The following GPC6 variants were observed in gnomAD, a reference collection of about 807,000 sequenced individuals.
GPC6 encodes the protein glypican-6.
In GPC6, 14 loss-of-function variants were observed where a neutral mutation model predicts 55.2. That is an observed-to-expected ratio of 0.25 (90% CI 0.17 to 0.40). GPC6 has a LOEUF of 0.40. Among genes scored for constraint, GPC6 ranks in the 10% least tolerant of loss-of-function variants. The pLI, the probability that GPC6 is intolerant of heterozygous loss-of-function variation, is 1.00. For synonymous variants in GPC6, 278 were observed against 259.6 expected, an observed-to-expected ratio of 1.07 and a Z score of -0.68; for missense variants, 641 against 708.5, an observed-to-expected ratio of 0.90 and a Z score of 1.08.
At chr13:94,348,031 G>T (rs1566704366) in intron 6 of GPC6, among the ~76,000 whole-genome samples, 1 of 152,188 alleles carries the variant, frequency 6.6e-6, no homozygotes, top group East Asian at 1.9e-4. Context: ...ATTGCCAAGT[G>T]CCATGAAGGA....
At chr13:94,049,505 T>G (rs1291987448) in intron 4 of GPC6, among the ~76,000 whole-genome samples, 1 of 152,152 alleles carries the variant, frequency 6.6e-6, no homozygotes, top group Non-Finnish European at 1.5e-5. Flanking sequence ...ACATGAGATC[T>G]GCTTTCTAAG....
At chr13:94,175,949 T>TAG (rs1247584456) in intron 4 of GPC6, among the ~76,000 whole-genome samples, 5 of 105,910 alleles carry the variant, frequency 4.7e-5, no homozygotes, top group African/African-American at 1.3e-4. Context: ...TATATATATA[T>TAG]ATATATAGAG....
intron 3 of GPC6, among the ~76,000 whole-genome samples, chr13:93,845,547 G>A (rs1224962895): frequency 4.3e-5 from 6 of 140,996 alleles, no homozygotes; most frequent in East Asian, 2.3e-4. Flanking sequence ...TGTTTATTGC[G>A]GCATTATTCA....
At chr13:93,463,841 G>A (rs1240159610) in intron 1 of GPC6, among the ~76,000 whole-genome samples, 2 of 151,138 alleles carry the variant, frequency 1.3e-5, no homozygotes, top group African/African-American at 4.9e-5. Context: ...GCATTTGCTT[G>A]ATTTATTTTC....
intron 3 of GPC6, among the ~76,000 whole-genome samples, chr13:93,843,512 CA>C (rs1361355086): frequency 6.6e-6 from 1 of 152,020 alleles, no homozygotes; most frequent in Non-Finnish European, 1.5e-5. Flanking sequence ...CATTGGGCCC[CA>C]AATCTGAATC....
At chr13:93,803,903 T>A (rs775049683) in intron 2 of GPC6, among the ~76,000 whole-genome samples, 1 of 151,992 alleles carries the variant, frequency 6.6e-6, no homozygotes, top group Non-Finnish European at 1.5e-5. Context: ...TGGGGAATGG[T>A]AGAGGGTTGG....
At chr13:94,175,802 A>G (rs181569295) in intron 4 of GPC6, among the ~76,000 whole-genome samples, 8 of 148,792 alleles carry the variant, frequency 5.4e-5, no homozygotes, top group African/African-American at 2.0e-4. Flanking sequence ...ATATATTTAA[A>G]GTTATATATA....
chr13:93,616,620 G>A (rs1878734371), intron 2 of GPC6, among the ~76,000 whole-genome samples: 1 of 151,982 alleles, frequency 6.6e-6, no homozygotes, highest in Non-Finnish European at 1.5e-5. Context: ...ATGTTAGAAG[G>A]TCCCTTACAA....
Position 93,660,648 on chromosome 13 carries a change from C to T in GPC6, c.319+115227C>T, listed in dbSNP as rs142299817. ...CATACAATTTACATTTTAGAATTCA[C>T]CTCTGGGAAACTCTTCTGTTCTTCT... On this transcript the variant is annotated intron_variant, in intron 2 of 8. Transcript: ENST00000377047. 6.4e-3 allele frequency among the ~76,000 whole-genome samples: 970 copies of T among 152,246 alleles called. 4 individuals carry two copies. Among genetic ancestry groups the T allele is most frequent in the Non-Finnish European group, 0.011 (731 of 68,024 alleles).
At chr13:94,085,711 A>G (rs1279172812) in intron 4 of GPC6, among the ~76,000 whole-genome samples, 1 of 152,248 alleles carries the variant, frequency 6.6e-6, no homozygotes, top group Non-Finnish European at 1.5e-5. Flanking sequence ...AGCAGCCTCA[A>G]GAAAATAGGT....
chr13:93,676,168 T>TATAC (rs1439832316), intron 2 of GPC6, among the ~76,000 whole-genome samples: 2 of 39,438 alleles, frequency 5.1e-5, no homozygotes, highest in African/African-American at 1.7e-4. Context: ...TATATATATA[T>TATAC]ACATACACAC....
At chr13:93,721,765 AAGTAACTTAAT>A (rs1450323767) in intron 2 of GPC6, among the ~76,000 whole-genome samples, 2 of 151,786 alleles carry the variant, frequency 1.3e-5, no homozygotes, top group Non-Finnish European at 2.9e-5. Context: ...AATCAGCTTT[AAGTAACTTAAT>A]AGTATACATG....
intron 4 of GPC6, among the ~76,000 whole-genome samples, chr13:94,237,904 A>T (rs536181980): frequency 6.6e-6 from 1 of 152,324 alleles, no homozygotes; most frequent in South Asian, 2.1e-4. Context: ...CAAGGAGCTG[A>T]GAAGAGATGC....
At chr13:93,710,513 C>T (rs1443087466) in intron 2 of GPC6, among the ~76,000 whole-genome samples, 2 of 151,766 alleles carry the variant, frequency 1.3e-5, no homozygotes, top group Non-Finnish European at 2.9e-5. Context: ...TGTAGGAGAG[C>T]AAAACACAAT....
chr13:93,265,977 A>T (rs71429514), intron 1 of GPC6, among the ~76,000 whole-genome samples: 34 of 152,098 alleles, frequency 2.2e-4, no homozygotes, highest in Non-Finnish European at 4.1e-4. Flanking sequence ...TTTATATAAC[A>T]GAAATTGGCA....
At chr13:93,370,289 A>AT (rs1363232654) in intron 1 of GPC6, among the ~76,000 whole-genome samples, 3 of 152,168 alleles carry the variant, frequency 2.0e-5, no homozygotes, top group Non-Finnish European at 4.4e-5. Context: ...TGATAAAGAA[A>AT]TAGAGCCTTC....
intron 6 of GPC6, among the ~76,000 whole-genome samples, chr13:94,336,985 C>G (rs569829976): frequency 1.3e-5 from 2 of 152,102 alleles, no homozygotes; most frequent in Admixed American, 6.5e-5. Flanking sequence ...TTATAGAAAC[C>G]CTTCTAACTG....
chr13:93,800,140 G>A (rs531186341), intron 2 of GPC6, among the ~76,000 whole-genome samples: 1 of 152,154 alleles, frequency 6.6e-6, no homozygotes, highest in Non-Finnish European at 1.5e-5. Flanking sequence ...GAAGATACTA[G>A]AAAGGCCTCT....
chr13:93,940,975 A>G (rs766753652), intron 3 of GPC6, among the ~76,000 whole-genome samples: 57 of 152,226 alleles, frequency 3.7e-4, no homozygotes, highest in Non-Finnish European at 6.8e-4. Flanking sequence ...GTAATTTTCT[A>G]AAATCAGAAG....
Sources: gnomAD v4.1 joint callset for allele counts (sites outside exome capture counted in the v4.1 genomes callset) on GRCh38, gnomAD v4.1.1 for gene constraint, MANE v1.5 for transcripts, NCBI Gene and HGNC (gene_info 2026-07-23, HGNC 2026-07-21) for gene names.